RNF220: variants seen among roughly 807,000 people sequenced by gnomAD.
RNF220 encodes the protein ring finger protein 220, also known as E3 ubiquitin-protein ligase RNF220.
RNF220 carries 7 observed loss-of-function variants against 67.1 expected under a neutral mutation model. The ratio of observed to expected loss-of-function variants is 0.10; its 90% confidence interval spans 0.06 to 0.20. RNF220 has a LOEUF of 0.20. RNF220 is among the 10% of genes least tolerant of loss of function. RNF220 has a pLI of 1.00. For synonymous variants in RNF220, 270 were observed against 283.2 expected (o/e 0.95, Z 0.47); for missense variants, 565 against 740.3 (o/e 0.76, Z 2.75).
chr1:44,586,484 G>A (rs552480752), intron 2 of RNF220, among the ~76,000 whole-genome samples: 1 of 152,296 alleles, frequency 6.6e-6, no homozygotes, highest in South Asian at 2.1e-4. Context: ...GATGCCTGAG[G>A]AGGGGGTCAC....
intron 2 of RNF220, among the ~76,000 whole-genome samples, chr1:44,607,092 T>A (rs1667319225): frequency 6.6e-6 from 1 of 152,196 alleles, no homozygotes; most frequent in Non-Finnish European, 1.5e-5. Flanking sequence ...AACTTCCACG[T>A]CCAATCCATC....
At chr1:44,428,824 T>A (rs560273536) in intron 2 of RNF220, among the ~76,000 whole-genome samples, 2 of 152,118 alleles carry the variant, frequency 1.3e-5, no homozygotes, top group African/African-American at 4.8e-5. Context: ...TCTATTAAGC[T>A]GATTCTTGGT....
Position 44,481,914 on chromosome 1 carries a change from G to A in RNF220, c.625+69192G>A, listed in dbSNP as rs118172578. 1.3e-4 allele frequency among the ~76,000 whole-genome samples: 20 copies of A among 152,308 alleles called. No homozygotes were observed. In the East Asian group the frequency reaches 1.7e-3, roughly 13 times the overall value. The stretch of plus-strand genomic sequence containing the variant: ...ACTTGTGAGGGATTAGACTTCAGTC[G>A]TAAGAGGGTCATTCTCTCAGTTGTA... On this transcript the variant is annotated intron_variant, in intron 2 of 14. Transcript: ENST00000361799.
intron 2 of RNF220, among the ~76,000 whole-genome samples, chr1:44,562,302 G>A (rs1160557503): frequency 6.6e-6 from 1 of 152,168 alleles, no homozygotes; most frequent in Non-Finnish European, 1.5e-5. Context: ...TGTCCAGGGG[G>A]ACCCGGAGCA....
At chr1:44,422,928 G>T (rs113186223) in intron 2 of RNF220, among the ~76,000 whole-genome samples, 1 of 152,126 alleles carries the variant, frequency 6.6e-6, no homozygotes, top group Non-Finnish European at 1.5e-5. Flanking sequence ...TTGGTCAAAT[G>T]TGATGCACTC....
rs547587336 is a variant in RNF220, at chr1:44,540,807, C to T, written c.626-73358C>T. Among the ~76,000 whole-genome samples, 16 of 152,106 alleles carry T rather than the reference C, an allele frequency of 1.1e-4. No homozygotes were observed. The South Asian group carries it at 1.2e-3, about 12-fold the overall frequency. ...CCACGCCAGTGTCTCTGTCCAGAAC[C>T]GAGGGAGGTGTACAAGAAGGGACCA... On this transcript the variant is annotated intron_variant, in intron 2 of 14. Coordinates refer to ENST00000361799, the MANE Select transcript of RNF220 (RefSeq NM_018150.4).
intron 2 of RNF220, chr1:44,419,622 A>G (rs756238428): frequency 4.6e-5 from 7 of 152,186 alleles, no homozygotes; most frequent in Non-Finnish European, 1.0e-4. Flanking sequence ...TCTAGTTTTT[A>G]CTTTAAGTTT....
rs151217106 is a variant in RNF220, at chr1:44,479,468, C to A, written c.625+66746C>A. Among the ~76,000 whole-genome samples the A allele has an allele frequency of 3.5e-3, 533 of 152,164 alleles. 1 individual carries two copies. Among genetic ancestry groups the A allele is most frequent in the African/African-American group, 0.012 (495 of 41,508 alleles). Reference sequence around the variant, plus strand: ...ACTCATCAACTCTATGTACCACAAGCCACACCCACAATTTTTACAAGACAG... The same window carrying A: ...ACTCATCAACTCTATGTACCACAAGACACACCCACAATTTTTACAAGACAG... On this transcript the variant is annotated intron_variant, in intron 2 of 14. Coordinates refer to ENST00000361799, the MANE Select transcript of RNF220 (RefSeq NM_018150.4).
chr1:44,595,411 C>T (rs1666410352), intron 2 of RNF220, among the ~76,000 whole-genome samples: 1 of 152,234 alleles, frequency 6.6e-6, no homozygotes. Context: ...AGCTGGCATT[C>T]CTGAGTTCTG....
chr1:44,541,308 G>T (rs959171566), intron 2 of RNF220, among the ~76,000 whole-genome samples: 15 of 152,184 alleles, frequency 9.9e-5, no homozygotes, highest in Non-Finnish European at 1.9e-4. Context: ...CACACCTGTA[G>T]TCCCAGCTAC....
chr1:44,483,521 A>C (rs1402415770), intron 2 of RNF220, among the ~76,000 whole-genome samples: 1 of 152,212 alleles, frequency 6.6e-6, no homozygotes, highest in African/African-American at 2.4e-5. Flanking sequence ...TTTAGCAGAT[A>C]CTGAGCTAGT....
At chr1:44,633,412 C>CT (rs1459143366) in intron 6 of RNF220, among the ~76,000 whole-genome samples, 1 of 152,182 alleles carries the variant, frequency 6.6e-6, no homozygotes, top group African/African-American at 2.4e-5. Context: ...TTGGCAAATG[C>CT]TTTGATTCTT....
At chr1:44,571,264 C>T (rs1395817992) in intron 2 of RNF220, among the ~76,000 whole-genome samples, 2 of 152,136 alleles carry the variant, frequency 1.3e-5, no homozygotes, top group Non-Finnish European at 2.9e-5. Flanking sequence ...ACACTGAGTA[C>T]CTTCCCCATC....
chr1:44,576,419 G>A (rs963765982), intron 2 of RNF220, among the ~76,000 whole-genome samples: 4 of 152,172 alleles, frequency 2.6e-5, no homozygotes, highest in South Asian at 2.1e-4. Context: ...GTTTGGCTGC[G>A]GGACCAGATC....
At position 44,635,550 on chromosome 1, in the gene RNF220, A is replaced by T; in HGVS notation, c.955A>T (p.Ile319Phe). The change falls in exon 7 of 15, where the codon ATT (isoleucine) becomes TTT (phenylalanine). Residue 319 changes from isoleucine to phenylalanine, a missense_variant. Physicochemically the swap from Ile to Phe is conservative, Grantham distance 21. Transcript: ENST00000361799. Reference protein sequence around the residue: ...ANRQTRLNARIGKMKRRKQDE... With the variant: ...ANRQTRLNARFGKMKRRKQDE... ...TTTTCGGTTTCCCCGTGCAGCTCGG[A>T]TTGGGAAAATGAAACGGAGGAAGCA... is the stretch of plus-strand genomic sequence containing the variant. 1 of 1,614,070 alleles carries T rather than the reference A, an allele frequency of 6.2e-7. No individual in the cohort carries two copies. Among genetic ancestry groups the T allele is most frequent in the Non-Finnish European group, 8.5e-7 (1 of 1,179,962 alleles).
At chr1:44,474,593 C>T (rs1361248995) in intron 2 of RNF220, among the ~76,000 whole-genome samples, 1 of 151,392 alleles carries the variant, frequency 6.6e-6, no homozygotes, top group Non-Finnish European at 1.5e-5. Context: ...CCTGTAGTCC[C>T]AGCTACTTGG....
intron 2 of RNF220, among the ~76,000 whole-genome samples, chr1:44,527,925 C>CAAAAAAAAAA (rs56409207): frequency 0.012 from 701 of 56,140 alleles, 215 homozygotes; most frequent in African/African-American, 0.058. Flanking sequence ...GACTCCATCC[C>CAAAAAAAAAA]AAAAAAAAAA....
At chr1:44,547,343 C>T (rs975319018) in intron 2 of RNF220, among the ~76,000 whole-genome samples, 5 of 152,228 alleles carry the variant, frequency 3.3e-5, no homozygotes, top group Admixed American at 2.0e-4. Flanking sequence ...CTGCCACAGT[C>T]CTTACCTCTT....
intron 2 of RNF220, among the ~76,000 whole-genome samples, chr1:44,414,319 G>A (rs1572418684): frequency 6.6e-6 from 1 of 152,196 alleles, no homozygotes; most frequent in East Asian, 1.9e-4. Context: ...CTTGTGTTAG[G>A]GTGTGACAGA....
Sources: gnomAD v4.1 joint callset for allele counts (sites outside exome capture counted in the v4.1 genomes callset) on GRCh38, gnomAD v4.1.1 for gene constraint, MANE v1.5 for transcripts, NCBI Gene and HGNC (gene_info 2026-07-23, HGNC 2026-07-21) for gene names.